HTR2C: variants seen among roughly 807,000 people sequenced by gnomAD.
HTR2C encodes 5-hydroxytryptamine receptor 2C.
Under a neutral mutation model 21.0 loss-of-function variants are expected in HTR2C, and 5 were observed. That is an observed-to-expected ratio of 0.24 (90% CI 0.12 to 0.50). The LOEUF (loss-of-function observed/expected upper bound fraction) is 0.50, where lower values mean the gene tolerates loss of function less well. Ranked by LOEUF, HTR2C falls within the 20% of genes least tolerant of loss-of-function variation. HTR2C has a pLI of 0.98. For missense variants in HTR2C, 271 were observed against 371.2 expected (o/e 0.73, Z 2.22); for synonymous variants, 150 against 145.3 (o/e 1.03, Z -0.23).
At chrX:114,596,712 C>T (rs1927861896) in intron 1 of HTR2C, among the ~76,000 whole-genome samples, 1 of 111,878 alleles carries the variant, frequency 8.9e-6, no homozygotes, top group Non-Finnish European at 1.9e-5. Context: ...ATTTTGATTT[C>T]CAATTACTTT....
chrX:114,705,163 C>T (rs1375633293), intron 2 of HTR2C, among the ~76,000 whole-genome samples: 7 of 106,201 alleles, frequency 6.6e-5, no homozygotes, highest in African/African-American at 2.4e-4. Context: ...ATGCCATCCC[C>T]ATCAAGCTAC....
At chrX:114,722,963 G>A (rs1299607420) in intron 2 of HTR2C, among the ~76,000 whole-genome samples, 2 of 111,011 alleles carry the variant, frequency 1.8e-5, no homozygotes, top group African/African-American at 3.3e-5. Flanking sequence ...CAAGGATATC[G>A]GTCTAAAATT....
chrX:114,776,963 T>G lies in HTR2C; in HGVS notation c.349+45356T>G, dbSNP rs180691635. 1.8e-3 allele frequency among the ~76,000 whole-genome samples: 205 copies of G among 111,953 alleles called. 1 individual carries two copies. The highest frequency in any genetic ancestry group is 6.4e-3 in the African/African-American group (199 of 30,861). ...CACTATGATTAAAAACTCACTGATATGCTGACAAACATATTACCTCAACTA... is the reference window on the plus strand; with the variant it reads ...CACTATGATTAAAAACTCACTGATAGGCTGACAAACATATTACCTCAACTA... On this transcript the variant is annotated intron_variant, in intron 4 of 5. Coordinates refer to ENST00000276198, the MANE Select transcript of HTR2C (RefSeq NM_000868.4).
intron 1 of HTR2C, among the ~76,000 whole-genome samples, chrX:114,598,128 CTG>C (rs1428760896): frequency 3.6e-5 from 4 of 111,656 alleles, no homozygotes; most frequent in Non-Finnish European, 7.5e-5. Context: ...GCAAAGGTTA[CTG>C]TTAAATTCAG....
intron 4 of HTR2C, among the ~76,000 whole-genome samples, chrX:114,789,162 C>T (rs782364173): frequency 1.8e-5 from 2 of 111,605 alleles, no homozygotes; most frequent in Non-Finnish European, 3.8e-5. Flanking sequence ...ACACTTTTGG[C>T]GCAGGGATAA....
chrX:114,690,615 G>T (rs2147860371), intron 2 of HTR2C, among the ~76,000 whole-genome samples: 1 of 111,151 alleles, frequency 9.0e-6, no homozygotes, highest in African/African-American at 3.3e-5. Flanking sequence ...AACCATAAAG[G>T]ATTTCTTTAT....
chrX:114,682,354 A>T (rs1388224769), intron 2 of HTR2C, among the ~76,000 whole-genome samples: 2 of 111,591 alleles, frequency 1.8e-5, no homozygotes, highest in African/African-American at 6.5e-5. Context: ...ATATATTTTA[A>T]AATGAGTAAT....
At chrX:114,726,400 C>G (rs1164320308) in intron 2 of HTR2C, among the ~76,000 whole-genome samples, 1 of 112,215 alleles carries the variant, frequency 8.9e-6, no homozygotes, top group Non-Finnish European at 1.9e-5. Context: ...CACCCACTGA[C>G]CTGCGCCCAC....
chrX:114,819,493 G>A (rs1556455599), intron 4 of HTR2C, among the ~76,000 whole-genome samples: 1 of 112,243 alleles, frequency 8.9e-6, no homozygotes, highest in African/African-American at 3.2e-5. Context: ...TCATGAAAGG[G>A]GTTGTGACAC....
intron 2 of HTR2C, among the ~76,000 whole-genome samples, chrX:114,657,751 G>A (rs1378896993): frequency 1.7e-4 from 19 of 111,289 alleles, no homozygotes; most frequent in Non-Finnish European, 1.9e-5. Context: ...TGCACAACGT[G>A]CAGGTTAGTT....
Position 114,872,001 on chromosome X carries a change from C to CT in HTR2C, c.550+23806dup, listed in dbSNP as rs2071095956. On this transcript the variant is annotated intron_variant, in intron 5 of 5. Coordinates refer to ENST00000276198, the MANE Select transcript of HTR2C (RefSeq NM_000868.4). ...ATACAGTTTATTTGTCATTTCCCCT[C>CT]TTTTTTTTCCTTAACTTTTATTTTA... is the stretch of plus-strand genomic sequence containing the variant. Among the ~76,000 whole-genome samples, 7 of 36,071 alleles carry CT rather than the reference C, an allele frequency of 1.9e-4. No homozygotes were observed. The Admixed American group carries it at 2.9e-3, about 15-fold the overall frequency. The allele number at this position is 36,071 out of a possible 115,157, so 31.3% of individuals were successfully genotyped here. A position where few individuals can be genotyped will look rare whatever the true frequency, so the allele number is the denominator to read the frequency against.
At chrX:114,822,226 G>A (rs1477805838) in intron 4 of HTR2C, among the ~76,000 whole-genome samples, 1 of 111,453 alleles carries the variant, frequency 9.0e-6, no homozygotes, top group Non-Finnish European at 1.9e-5. Flanking sequence ...TAGTCAAAGA[G>A]ATTTTACTTT....
At chrX:114,629,547 C>T (rs1051248860) in intron 2 of HTR2C, among the ~76,000 whole-genome samples, 4 of 111,880 alleles carry the variant, frequency 3.6e-5, no homozygotes, top group Non-Finnish European at 7.5e-5. Context: ...TTTGTGGGAA[C>T]GTGAACCAAC....
At chrX:114,667,406 C>T (rs782800899) in intron 2 of HTR2C, among the ~76,000 whole-genome samples, 3 of 110,771 alleles carry the variant, frequency 2.7e-5, no homozygotes, top group Admixed American at 9.7e-5. Flanking sequence ...AGATACATTA[C>T]GTACTTGTAA....
chrX:114,800,852 T>C (rs782046204), intron 4 of HTR2C, among the ~76,000 whole-genome samples: 1 of 111,580 alleles, frequency 9.0e-6, no homozygotes, highest in South Asian at 3.7e-4. Flanking sequence ...AGCAATTTAT[T>C]TAGCTGTCTT....
At chrX:114,723,125 G>C (rs1556421085) in intron 2 of HTR2C, among the ~76,000 whole-genome samples, 1 of 111,180 alleles carries the variant, frequency 9.0e-6, no homozygotes, top group African/African-American at 3.3e-5. Context: ...GTAGAATTTG[G>C]CTGTGAATCC....
At chrX:114,636,125 A>C (rs1929836256) in intron 2 of HTR2C, among the ~76,000 whole-genome samples, 1 of 95,417 alleles carries the variant, frequency 1.0e-5, no homozygotes, top group African/African-American at 4.0e-5. Flanking sequence ...CATTTGCCCT[A>C]CCTCCCCGAT....
chrX:114,644,134 G>A (rs1373123523), intron 2 of HTR2C, among the ~76,000 whole-genome samples: 1 of 107,221 alleles, frequency 9.3e-6, no homozygotes, highest in African/African-American at 3.4e-5. Context: ...CTTGAGGTCA[G>A]GAGTTCGAGA....
At chrX:114,617,123 A>G (rs782768630) in intron 2 of HTR2C, among the ~76,000 whole-genome samples, 1 of 112,338 alleles carries the variant, frequency 8.9e-6, no homozygotes, top group Admixed American at 9.5e-5. Flanking sequence ...TCTTTACTCT[A>G]GGTTACCAAA....
Sources: allele counts gnomAD v4.1 joint callset (sites outside exome capture counted in the v4.1 genomes callset), GRCh38; gene constraint gnomAD v4.1.1; transcripts MANE v1.5; gene names NCBI Gene and HGNC (gene_info 2026-07-23, HGNC 2026-07-21).